SPAG16: variants seen among roughly 807,000 people sequenced by gnomAD.
SPAG16 encodes the protein sperm associated antigen 16.
A neutral mutation model predicts 80.4 loss-of-function variants in SPAG16; 86 were observed. That is an observed-to-expected ratio of 1.07 (90% CI 0.90 to 1.28). The LOEUF is 1.28. Among genes scored for constraint, SPAG16 ranks in the 50% most tolerant of loss-of-function variants. SPAG16 has a pLI of 0.00. For synonymous variants in SPAG16, 294 were observed against 265.9 expected (o/e 1.11, Z -1.03); for missense variants, 870 against 765.3 (o/e 1.14, Z -1.61).
chr2:213,826,422 C>A (rs972084442), intron 10 of SPAG16, among the ~76,000 whole-genome samples: 7 of 151,934 alleles, frequency 4.6e-5, no homozygotes, highest in East Asian at 3.9e-4. Context: ...ATATTCCATA[C>A]ATTTTGGTAA....
intron 8 of SPAG16, among the ~76,000 whole-genome samples, chr2:213,374,382 A>G (rs1367061934): frequency 6.6e-6 from 1 of 152,040 alleles, no homozygotes; most frequent in Non-Finnish European, 1.5e-5. Flanking sequence ...TTTTGCAATC[A>G]ACTTACTGTT....
intron 15 of SPAG16, among the ~76,000 whole-genome samples, chr2:214,173,948 C>T (rs2056976981): frequency 1.3e-5 from 2 of 151,780 alleles, no homozygotes; most frequent in Non-Finnish European, 2.9e-5. Flanking sequence ...TGTAATCCAG[C>T]ATATAAACAG....
chr2:213,663,847 ATTATC>A (rs1368119827), intron 10 of SPAG16, among the ~76,000 whole-genome samples: 1 of 152,098 alleles, frequency 6.6e-6, no homozygotes, highest in Non-Finnish European at 1.5e-5. Flanking sequence ...GTTTCATGAT[ATTATC>A]TTAGTGGGAA....
At chr2:213,434,845 T>C (rs956108068) in intron 9 of SPAG16, among the ~76,000 whole-genome samples, 4 of 152,144 alleles carry the variant, frequency 2.6e-5, no homozygotes, top group Admixed American at 2.6e-4. Flanking sequence ...GAAGAAACAT[T>C]TAGACACTGT....
chr2:213,354,317 T>C (rs2065504459), intron 7 of SPAG16, among the ~76,000 whole-genome samples: 1 of 152,206 alleles, frequency 6.6e-6, no homozygotes, highest in Non-Finnish European at 1.5e-5. Context: ...TCCAAGTCCT[T>C]GCTATTGTGA....
chr2:214,319,200 C>CCACA (rs61711759), intron 15 of SPAG16, among the ~76,000 whole-genome samples: 342 of 142,326 alleles, frequency 2.4e-3, no homozygotes, highest in African/African-American at 7.1e-3. Flanking sequence ...CACACACACA[C>CCACA]CACACACACA....
At chr2:213,531,712 A>C (rs887367326) in intron 10 of SPAG16, among the ~76,000 whole-genome samples, 4 of 152,138 alleles carry the variant, frequency 2.6e-5, no homozygotes, top group African/African-American at 9.7e-5. Flanking sequence ...TGAAGACTTC[A>C]GTCTGTCTTC....
chr2:214,095,738 T>TTG (rs2052547240), intron 13 of SPAG16, among the ~76,000 whole-genome samples: 1 of 152,050 alleles, frequency 6.6e-6, no homozygotes, highest in East Asian at 1.9e-4. Flanking sequence ...GCATAAAGTT[T>TTG]CAGTTATGCA....
chr2:214,271,805 A>T (rs1418188711), intron 15 of SPAG16, among the ~76,000 whole-genome samples: 3 of 151,776 alleles, frequency 2.0e-5, no homozygotes, highest in African/African-American at 7.3e-5. Context: ...TGTCTCAGAA[A>T]AACATAAATA....
At chr2:213,729,464 A>G (rs2125417809) in intron 10 of SPAG16, among the ~76,000 whole-genome samples, 1 of 152,324 alleles carries the variant, frequency 6.6e-6, no homozygotes, top group Middle Eastern at 3.4e-3. Context: ...TTAGCGTGGC[A>G]ACAAAGGAGC....
chr2:213,931,497 G>A lies in SPAG16; in HGVS notation c.1400+1352G>A, dbSNP rs180826443. On this transcript the variant is annotated intron_variant, in intron 12 of 15. Transcript: ENST00000331683. ...ATAGATTAATGGAATTTTAGCACTA[G>A]TATTTAATTTGAATTTTGTATCACT... is the stretch of plus-strand genomic sequence containing the variant. Among the ~76,000 whole-genome samples, 1,345 of 152,222 alleles carry A rather than the reference G, an allele frequency of 8.8e-3. 12 individuals are homozygous for A. The highest frequency in any genetic ancestry group is 0.012 in the Non-Finnish European group (824 of 67,998).
chr2:213,565,631 G>A (rs1400168819), intron 10 of SPAG16, among the ~76,000 whole-genome samples: 2 of 152,170 alleles, frequency 1.3e-5, no homozygotes, highest in African/African-American at 4.8e-5. Context: ...CTGAGAGGTT[G>A]AGAACACACC....
intron 10 of SPAG16, among the ~76,000 whole-genome samples, chr2:213,718,554 G>A (rs183449917): frequency 0.014 from 2,123 of 152,320 alleles, 26 homozygotes; most frequent in South Asian, 0.049. Context: ...AGTTCCGGGT[G>A]GGCGTGGGCT....
chr2:213,405,807 T>A (rs1452109557), intron 9 of SPAG16, among the ~76,000 whole-genome samples: 2 of 152,198 alleles, frequency 1.3e-5, no homozygotes, highest in African/African-American at 4.8e-5. Flanking sequence ...ATAACAGGAT[T>A]TCATTCTTAT....
intron 12 of SPAG16, among the ~76,000 whole-genome samples, chr2:214,002,982 G>A (rs2046862836): frequency 6.6e-6 from 1 of 152,048 alleles, no homozygotes; most frequent in Non-Finnish European, 1.5e-5. Flanking sequence ...ATCCAATAGT[G>A]GTGTGCTTGC....
chr2:214,258,510 C>A (rs1330731231), intron 15 of SPAG16, among the ~76,000 whole-genome samples: 2 of 144,320 alleles, frequency 1.4e-5, no homozygotes, highest in Admixed American at 1.4e-4. Context: ...CATATATGTA[C>A]ATATATATCA....
chr2:213,364,008 G>A (rs913207299), intron 7 of SPAG16, 68 bp from the exon 8 acceptor site: 1 of 592,448 alleles, frequency 1.7e-6, no homozygotes. Flanking sequence ...TTTAAATATT[G>A]TGTTTTATGT....
intron 15 of SPAG16, among the ~76,000 whole-genome samples, chr2:214,339,114 T>G (rs543381795): frequency 3.1e-4 from 47 of 152,328 alleles, no homozygotes; most frequent in Non-Finnish European, 5.7e-4. Context: ...TTGCTTATGC[T>G]CAAAGAGAGT....
At chr2:213,363,702 T>C (rs1169162746) in intron 7 of SPAG16, among the ~76,000 whole-genome samples, 1 of 152,054 alleles carries the variant, frequency 6.6e-6, no homozygotes, top group Non-Finnish European at 1.5e-5. Context: ...ATAATTACCT[T>C]GTATTTTATA....
Sources: allele counts gnomAD v4.1 joint callset (sites outside exome capture counted in the v4.1 genomes callset), GRCh38; gene constraint gnomAD v4.1.1; transcripts MANE v1.5; gene names NCBI Gene and HGNC (gene_info 2026-07-23, HGNC 2026-07-21).